NELL2: variants seen among roughly 807,000 people sequenced by gnomAD.
NELL2 encodes the protein neural EGFL like 2, also known as protein kinase C-binding protein NELL2.
A neutral mutation model predicts 109.6 loss-of-function variants in NELL2; 41 were observed. The ratio of observed to expected loss-of-function variants is 0.37; its 90% CI spans 0.29 to 0.49. NELL2 has a LOEUF of 0.49. NELL2 is among the 20% of genes least tolerant of loss of function. The pLI is 0.98. For synonymous variants in NELL2, 355 were observed against 344.7 expected, an observed-to-expected ratio of 1.03 and a Z score of -0.33; for missense variants, 900 against 1,008.3, an observed-to-expected ratio of 0.89 and a Z score of 1.45.
At chr12:44,644,608 G>GTA (rs1180129986) in intron 13 of NELL2, among the ~76,000 whole-genome samples, 12,356 of 90,638 alleles carry the variant, frequency 0.14, 1,088 homozygotes, top group African/African-American at 0.21. Context: ...ATATATGTAT[G>GTA]TATATATATA....
chr12:44,609,112 TTTTTG>T (rs1056643309), intron 14 of NELL2, among the ~76,000 whole-genome samples: 4 of 151,816 alleles, frequency 2.6e-5, no homozygotes, highest in Non-Finnish European at 5.9e-5. Context: ...TGGTGTTTGT[TTTTTG>T]TTTTGTTTTG....
chr12:44,659,050 A>G (rs926849928), intron 13 of NELL2, among the ~76,000 whole-genome samples: 6 of 152,156 alleles, frequency 3.9e-5, no homozygotes, highest in African/African-American at 1.4e-4. Flanking sequence ...AACACCACAC[A>G]TCTATAAACA....
At chr12:44,559,602 A>T (rs1331662001) in intron 15 of NELL2, among the ~76,000 whole-genome samples, 2 of 152,240 alleles carry the variant, frequency 1.3e-5, no homozygotes, top group Non-Finnish European at 2.9e-5. Context: ...ATAATGGTAA[A>T]GGGATGAATG....
chr12:44,709,903 T>C (rs2136432484), intron 11 of NELL2, among the ~76,000 whole-genome samples: 1 of 152,326 alleles, frequency 6.6e-6, no homozygotes, highest in South Asian at 2.1e-4. Context: ...ACATGCTTTG[T>C]GTAAGGCACT....
intron 2 of NELL2, among the ~76,000 whole-genome samples, chr12:44,867,681 A>T (rs1945040307): frequency 6.6e-6 from 1 of 152,222 alleles, no homozygotes; most frequent in Non-Finnish European, 1.5e-5. Flanking sequence ...GGAAGAGGTT[A>T]ACTTATCCCT....
At chr12:44,686,709 C>T (rs1178013243) in intron 12 of NELL2, among the ~76,000 whole-genome samples, 1 of 152,060 alleles carries the variant, frequency 6.6e-6, no homozygotes, top group Non-Finnish European at 1.5e-5. Flanking sequence ...TGGGGGGTGC[C>T]TCCCAGTTAG....
chr12:44,588,643 G>A (rs1944633701), intron 15 of NELL2, among the ~76,000 whole-genome samples: 1 of 152,196 alleles, frequency 6.6e-6, no homozygotes, highest in African/African-American at 2.4e-5. Context: ...CTAAACCTGA[G>A]TGAGAACCAT....
chr12:44,804,632 C>T (rs1185804828), intron 3 of NELL2, among the ~76,000 whole-genome samples: 1 of 151,804 alleles, frequency 6.6e-6, no homozygotes, highest in Non-Finnish European at 1.5e-5. Flanking sequence ...TTTTAAGCAA[C>T]TGATCAAGGG....
intron 9 of NELL2, among the ~76,000 whole-genome samples, chr12:44,721,779 T>C (rs1032920464): frequency 1.3e-5 from 2 of 151,930 alleles, no homozygotes; most frequent in African/African-American, 4.8e-5. Flanking sequence ...TAAAAAAACA[T>C]TGAAAAAGTG....
At chr12:44,586,256 G>A (rs1340166096) in intron 15 of NELL2, among the ~76,000 whole-genome samples, 1 of 148,500 alleles carries the variant, frequency 6.7e-6, no homozygotes, top group African/African-American at 2.5e-5. Context: ...AGTGAGTGGG[G>A]ATAGAAGCAA....
chr12:44,726,075 A>G (rs1939065114), intron 9 of NELL2, among the ~76,000 whole-genome samples: 1 of 152,206 alleles, frequency 6.6e-6, no homozygotes, highest in Non-Finnish European at 1.5e-5. Context: ...TTACTTACTG[A>G]AAATTATTAC....
chr12:44,757,782 A>G (rs973677347), intron 9 of NELL2, among the ~76,000 whole-genome samples: 2 of 152,140 alleles, frequency 1.3e-5, no homozygotes, highest in South Asian at 2.1e-4. Context: ...TTTTTATAAT[A>G]GTGAAACCTG....
At chr12:44,905,048 AC>A (rs1269520319) in intron 1 of NELL2, among the ~76,000 whole-genome samples, 2 of 152,086 alleles carry the variant, frequency 1.3e-5, no homozygotes, top group East Asian at 3.9e-4. Flanking sequence ...CATAAAAAAA[AC>A]TTCTTTATCA....
rs377711762 is a variant in NELL2 at position 44,875,095 on chromosome 12, G to A, written c.184+130C>T. ...AGATAGGGATATGTGTCTCACACTG[G>A]CCCTTCTACACCTCAGCTAAAGTAC... On this transcript the variant is annotated intron_variant, in intron 2 of 19. Transcript: ENST00000429094. 4.9e-6 allele frequency: 6 copies of A among 1,215,140 alleles called. No homozygotes were observed. The East Asian group carries it at 7.6e-5, about 15-fold the overall frequency. The allele number at this position is 1,215,140 out of a possible 1,614,324, so 75.3% of individuals were successfully genotyped here.
chr12:44,624,196 T>C (rs1250541732), intron 13 of NELL2, among the ~76,000 whole-genome samples: 1 of 152,086 alleles, frequency 6.6e-6, no homozygotes, highest in Non-Finnish European at 1.5e-5. Context: ...CAACTTTCTT[T>C]ACTTTCCCTT....
At chr12:44,541,769 G>A (rs1942584247) in intron 15 of NELL2, among the ~76,000 whole-genome samples, 1 of 152,136 alleles carries the variant, frequency 6.6e-6, no homozygotes, top group Non-Finnish European at 1.5e-5. Flanking sequence ...TGGCTATGTG[G>A]CAGCTATTGT....
At chr12:44,641,689 C>CTTTTTTTTTTT (rs71093817) in intron 13 of NELL2, among the ~76,000 whole-genome samples, 4 of 80,640 alleles carry the variant, frequency 5.0e-5, no homozygotes, top group Admixed American at 1.6e-4. Flanking sequence ...CTAGTTTCTC[C>CTTTTTTTTTTT]TTTTTTTTTT....
At chr12:44,775,213 G>A (rs909960868) in intron 8 of NELL2, among the ~76,000 whole-genome samples, 5 of 151,908 alleles carry the variant, frequency 3.3e-5, no homozygotes, top group Admixed American at 6.6e-5. Flanking sequence ...TCATGCACAC[G>A]AACATGCACG....
chr12:44,584,720 T>A (rs758550939), intron 15 of NELL2, among the ~76,000 whole-genome samples: 6 of 152,210 alleles, frequency 3.9e-5, no homozygotes, highest in Non-Finnish European at 7.3e-5. Flanking sequence ...TGAAAATCCA[T>A]GTTGCTATAA....
Sources: gnomAD v4.1 joint callset for allele counts (sites outside exome capture counted in the v4.1 genomes callset) on GRCh38, gnomAD v4.1.1 for gene constraint, MANE v1.5 for transcripts, NCBI Gene and HGNC (gene_info 2026-07-23, HGNC 2026-07-21) for gene names.